UGT1A3: variants seen among roughly 807,000 people sequenced by gnomAD.
UGT1A3 encodes UDP-glucuronosyltransferase 1A3.
UGT1A3 carries 31 observed loss-of-function variants against 41.0 expected under a neutral mutation model. The observed-to-expected ratio is 0.76, with a 90% CI of 0.57 to 1.02. UGT1A3 has a LOEUF of 1.02. UGT1A3 is among the 50% of genes least tolerant of loss of function. UGT1A3 has a pLI of 0.00. For synonymous variants in UGT1A3, 262 were observed against 257.6 expected (o/e 1.02, Z -0.17); for missense variants, 737 against 671.0 (o/e 1.10, Z -1.09).
In UGT1A3 at chr2:233,761,168, G is replaced by T. The variant is rs747133515; in HGVS notation, c.868-5866G>T. 6 of 1,614,050 alleles carry T rather than the reference G, an allele frequency of 3.7e-6. No individual in the cohort carries two copies. In the African/African-American group the frequency reaches 8.0e-5, roughly 22 times the overall value. On this transcript the variant is annotated intron_variant, in intron 1 of 4. Transcript: ENST00000482026. ...CTATCCCAGGTGTGTATTGGAGTGG[G>T]ACTTTTACATGCGTATATTCTTTCA...
In UGT1A3 at chr2:233,767,996, A is replaced by G. The variant is rs555884765; in HGVS notation, c.1087+60A>G. The G allele has an allele frequency of 8.8e-4, 1,425 of 1,614,192 alleles. 2 individuals are homozygous for G. The highest frequency in any genetic ancestry group is 7.6e-4 in the Non-Finnish European group (900 of 1,180,046). ...AGGGTCAAATTAAGAAAATGGCTTA[A>G]GCACAGCTATTCTAAAGGATTGTTG... On this transcript the variant is annotated intron_variant, in intron 3 of 4. Transcript: ENST00000482026.
chr2:233,753,809 G>A (rs1297655785), intron 1 of UGT1A3, among the ~76,000 whole-genome samples: 1 of 152,202 alleles, frequency 6.6e-6, no homozygotes, highest in Non-Finnish European at 1.5e-5. Context: ...CATAGTTGGA[G>A]AACCACGTTA....
chr2:233,732,886 T>C lies in UGT1A3; in HGVS notation c.867+2893T>C, dbSNP rs572448291. On this transcript the variant is annotated intron_variant, in intron 1 of 4. Coordinates refer to ENST00000482026, the MANE Select transcript of UGT1A3 (RefSeq NM_019093.4). ...CTTGATGGGTTTGGCATTGAATCTATAAATTACCTTGGGCAGTATGGCCAT... is the reference window on the plus strand; with the variant it reads ...CTTGATGGGTTTGGCATTGAATCTACAAATTACCTTGGGCAGTATGGCCAT... Among the ~76,000 whole-genome samples, 466 of 152,210 alleles carry C rather than the reference T, an allele frequency of 3.1e-3. 4 individuals are homozygous for C. The highest frequency in any genetic ancestry group is 0.011 in the African/African-American group (443 of 41,520).
intron 1 of UGT1A3, among the ~76,000 whole-genome samples, chr2:233,757,535 A>AATATATATACATATACATATATAC (rs376887521): frequency 2.4e-4 from 21 of 88,296 alleles, no homozygotes; most frequent in African/African-American, 1.1e-3. Context: ...GCCTGTAAGG[A>AATATATATACATATACATATATAC]ATATATATAT....
At chr2:233,754,812 C>T in intron 1 of UGT1A3, 1 of 1,317,570 alleles carries the variant, frequency 7.6e-7, no homozygotes. Context: ...AGAAGAAAAA[C>T]CACCCTCAAA....
At chr2:233,734,081 A>G (rs1041213735) in intron 1 of UGT1A3, among the ~76,000 whole-genome samples, 23 of 152,124 alleles carry the variant, frequency 1.5e-4, no homozygotes, top group African/African-American at 5.6e-4. Context: ...CATTGTGCAC[A>G]TGCACCCTAA....
At position 233,729,864 on chromosome 2, in the gene UGT1A3, G is replaced by A. The variant is rs567615944; in HGVS notation, c.738G>A (p.Val246=). The A allele has an allele frequency of 1.5e-5, 25 of 1,613,784 alleles. No homozygotes were observed. Among genetic ancestry groups the A allele is most frequent in the African/African-American group, 2.7e-5 (2 of 74,970 alleles). ...SELFQREVSV[V]DILSHASVWL... Reference sequence around the variant, plus strand: ...TTTTTCAGAGAGAGGTGTCAGTGGTGGATATTCTCAGTCATGCATCTGTGT... The same window carrying A: ...TTTTTCAGAGAGAGGTGTCAGTGGTAGATATTCTCAGTCATGCATCTGTGT... Residue 246 remains valine, a synonymous_variant, in exon 1 of 5, where the codon GTG becomes GTA. Coordinates refer to ENST00000482026, the MANE Select transcript of UGT1A3 (RefSeq NM_019093.4).
intron 1 of UGT1A3, among the ~76,000 whole-genome samples, chr2:233,741,290 C>T (rs1691616711): frequency 6.6e-6 from 1 of 151,724 alleles, no homozygotes. Context: ...ATTTATGTAC[C>T]CAATTGTGTA....
intron 1 of UGT1A3, chr2:233,753,403 T>C (rs149143287): frequency 6.6e-6 from 1 of 152,326 alleles, no homozygotes; most frequent in East Asian, 1.9e-4. Flanking sequence ...CTAGAGCATA[T>C]CCAAACCCAT....
intron 1 of UGT1A3, among the ~76,000 whole-genome samples, chr2:233,736,611 AT>A (rs2078784415): frequency 6.6e-6 from 1 of 151,912 alleles, no homozygotes; most frequent in East Asian, 1.9e-4. Context: ...GGTTTTTAGA[AT>A]TTTCAGCTTT....
chr2:233,754,060 T>C (rs141181524), intron 1 of UGT1A3, among the ~76,000 whole-genome samples: 20 of 152,258 alleles, frequency 1.3e-4, no homozygotes, highest in African/African-American at 3.6e-4. Context: ...CCTGCTTTTA[T>C]AAAGCCTGGG....
At chr2:233,755,840 T>G (rs557934522) in intron 1 of UGT1A3, 1 of 152,356 alleles carries the variant, frequency 6.6e-6, no homozygotes, top group Admixed American at 6.5e-5. Flanking sequence ...ATTGGGCAAT[T>G]TAAGAAGAAT....
rs1699539864 is a variant in UGT1A3, at chr2:233,767,990, G to A, written c.1087+54G>A. ...CAAACCAGGGTCAAATTAAGAAAATGGCTTAAGCACAGCTATTCTAAAGGA... is the reference window on the plus strand; with the variant it reads ...CAAACCAGGGTCAAATTAAGAAAATAGCTTAAGCACAGCTATTCTAAAGGA... On this transcript the variant is annotated intron_variant, in intron 3 of 4. Coordinates refer to ENST00000482026, the MANE Select transcript of UGT1A3 (RefSeq NM_019093.4). 1.9e-5 allele frequency: 30 copies of A among 1,613,976 alleles called. No individual in the cohort carries two copies. In the South Asian group the frequency reaches 3.2e-4, roughly 17 times the overall value.
At chr2:233,751,729 C>G (rs1442411823) in intron 1 of UGT1A3, among the ~76,000 whole-genome samples, 1 of 152,154 alleles carries the variant, frequency 6.6e-6, no homozygotes, top group South Asian at 2.1e-4. Flanking sequence ...TGAACTCTTC[C>G]TCTCTGTTTC....
intron 3 of UGT1A3, 52 bp downstream of exon 3, chr2:233,767,988 A>G (rs1699538477): frequency 6.2e-7 from 1 of 1,614,042 alleles, no homozygotes; most frequent in Admixed American, 1.7e-5. Flanking sequence ...AATTAAGAAA[A>G]TGGCTTAAGC....
intron 1 of UGT1A3, among the ~76,000 whole-genome samples, chr2:233,762,041 G>A (rs938298957): frequency 3.3e-5 from 5 of 152,004 alleles, no homozygotes; most frequent in Non-Finnish European, 7.4e-5. Context: ...TTAATTTTCT[G>A]TGCATTTTCC....
chr2:233,760,962 G>C, intron 1 of UGT1A3: 1 of 1,614,152 alleles, frequency 6.2e-7, no homozygotes, highest in Non-Finnish European at 8.5e-7. Flanking sequence ...TGTGCGACGT[G>C]GTTTATTCCC....
chr2:233,746,436 G>C (rs1200457799), intron 1 of UGT1A3, among the ~76,000 whole-genome samples: 1 of 151,690 alleles, frequency 6.6e-6, no homozygotes, highest in Non-Finnish European at 1.5e-5. Context: ...TATGTCTTCA[G>C]CTTAAAAAGA....
chr2:233,743,534 T>C, intron 1 of UGT1A3: 1 of 1,367,218 alleles, frequency 7.3e-7, no homozygotes, highest in Non-Finnish European at 9.8e-7. Flanking sequence ...CCCCAGCAGT[T>C]CCTCTGACCC....
Sources: gnomAD v4.1 joint callset for allele counts (sites outside exome capture counted in the v4.1 genomes callset) on GRCh38, gnomAD v4.1.1 for gene constraint, MANE v1.5 for transcripts, NCBI Gene and HGNC (gene_info 2026-07-23, HGNC 2026-07-21) for gene names.